Variants in WASHC5 observed in about 807,000 individuals in gnomAD.
The protein encoded by WASHC5 is WASH complex subunit strumpellin.
Under a neutral mutation model 150.4 loss-of-function variants are expected in WASHC5, and 101 were observed. That is an observed-to-expected ratio of 0.67 (90% confidence interval 0.57 to 0.79). WASHC5 has a LOEUF of 0.79. Ranked by LOEUF, WASHC5 falls within the 30% of genes least tolerant of loss-of-function variation. The pLI is 0.00. For missense variants in WASHC5, 1,195 were observed against 1,396.3 expected (o/e 0.86, Z 2.30); for synonymous variants, 467 against 491.2 (o/e 0.95, Z 0.65).
At chr8:125,028,554 C>G in intron 28 of WASHC5, 66 bp downstream of exon 28, 1 of 1,187,974 alleles carries the variant, frequency 8.4e-7, no homozygotes, top group South Asian at 1.2e-5. Context: ...CCTGATGAAT[C>G]CAGGGCCACT....
intron 28 of WASHC5, among the ~76,000 whole-genome samples, chr8:125,027,170 G>T (rs1187283233): frequency 4.6e-5 from 7 of 151,932 alleles, no homozygotes; most frequent in Admixed American, 2.6e-4. Context: ...TTATTCTGTA[G>T]CCAGCTTGTT....
intron 20 of WASHC5, 48 bp downstream of exon 20, chr8:125,047,159 G>A: frequency 6.2e-7 from 1 of 1,611,060 alleles, no homozygotes; most frequent in South Asian, 1.1e-5. Flanking sequence ...AGATGCAGAT[G>A]AGACTGCCTG....
In WASHC5 at chr8:125,075,075, C is replaced by G; in HGVS notation, c.901G>C (p.Val301Leu). 6.2e-7 allele frequency: 1 copy of G among 1,611,490 alleles called. No individual in the cohort carries two copies. The highest frequency in any genetic ancestry group is 8.5e-7 in the Non-Finnish European group (1 of 1,177,800). The change falls in exon 8 of 29, where the codon GTA becomes CTA. Residue 301 changes from valine (V) to leucine (L), a missense_variant. By Grantham distance (32) the Val-to-Leu change is conservative (BLOSUM62 1). This residue lies in a region of WASHC5 where 997 missense variants were observed against 1,168.1 expected (regional missense o/e 0.85). Coordinates refer to ENST00000318410, the MANE Select transcript of WASHC5 (RefSeq NM_014846.4). ...SIYMGITVNL[V>L]DAWEPYKAAK... ...GCTTTGTAAGGTTCCCAAGCATCTA[C>G]TAGATTAACTGTGATCCCCATGTAA...
chr8:125,043,888 A>C lies in WASHC5; in HGVS notation c.2787T>G (p.Ile929Met), dbSNP rs754745588. The change falls in exon 23 of 29, where the codon ATT becomes ATG. Residue 929 changes from isoleucine (I) to methionine (M), a missense_variant. Coordinates refer to ENST00000318410, the MANE Select transcript of WASHC5 (RefSeq NM_014846.4). ...GTGTTTTGGCAATGGCGGAAAAATAAATTTTATTTGAATTTGCTGAAAAGT... is the reference window on the plus strand; with the variant it reads ...GTGTTTTGGCAATGGCGGAAAAATACATTTTATTTGAATTTGCTGAAAAGT... ...LKSIVANSNK[I>M]YFSAIAKTQK... The C allele has an allele frequency of 1.2e-6, 2 of 1,612,816 alleles. No individual in the cohort carries two copies. Among genetic ancestry groups the C allele is most frequent in the Admixed American group, 1.7e-5 (1 of 59,984 alleles).
intron 1 of WASHC5, among the ~76,000 whole-genome samples, chr8:125,086,232 T>C (rs889765378): frequency 2.5e-4 from 38 of 152,170 alleles, no homozygotes; most frequent in Non-Finnish European, 4.1e-4. Flanking sequence ...GGTAGGACTG[T>C]TTTCTTCTCA....
intron 6 of WASHC5, among the ~76,000 whole-genome samples, chr8:125,076,723 C>A (rs1817072836): frequency 7.1e-6 from 1 of 141,316 alleles, no homozygotes; most frequent in East Asian, 2.1e-4. Flanking sequence ...CCCTTGACCG[C>A]TGCAATTCTA....
At chr8:125,037,180 T>C (rs1815735824) in intron 26 of WASHC5, 57 bp downstream of exon 26, 1 of 982,046 alleles carries the variant, frequency 1.0e-6, no homozygotes, top group Non-Finnish European at 1.7e-6. Flanking sequence ...AGCTATTTAG[T>C]TAAATGTTAA....
intron 5 of WASHC5, among the ~76,000 whole-genome samples, 172 bp from the exon 6 acceptor site, chr8:125,079,102 A>G (rs1483782227): frequency 6.8e-5 from 6 of 88,694 alleles, no homozygotes; most frequent in South Asian, 7.3e-4. Context: ...GTGTATATAT[A>G]TGTGTGTGTG....
At chr8:125,042,669 G>A (rs1586344237) in intron 23 of WASHC5, among the ~76,000 whole-genome samples, 1 of 152,134 alleles carries the variant, frequency 6.6e-6, no homozygotes, top group Non-Finnish European at 1.5e-5. Flanking sequence ...ACAGAGTTGG[G>A]ACTCACACCT....
chr8:125,082,429 T>C lies in WASHC5; in HGVS notation c.371A>G (p.Gln124Arg). The C allele has an allele frequency of 6.3e-7, 1 of 1,592,546 alleles. No individual in the cohort carries two copies. The highest frequency in any genetic ancestry group is 8.6e-7 in the Non-Finnish European group (1 of 1,160,730). ...DDLNEGVYIQ[Q>R]TLETVLLNED... Reference sequence around the variant, plus strand: ...ATTGAGAAGCACAGTTTCTAAGGTTTGCTGAATATAAACCCCTTCATTGAG... The same window carrying C: ...ATTGAGAAGCACAGTTTCTAAGGTTCGCTGAATATAAACCCCTTCATTGAG... Residue 124 changes from glutamine to arginine, a missense_variant, in exon 4 of 29, where the codon CAA becomes CGA. By Grantham distance (43) the Gln-to-Arg change is conservative (BLOSUM62 1). Coordinates refer to ENST00000318410, the MANE Select transcript of WASHC5 (RefSeq NM_014846.4).
chr8:125,088,169 T>C (rs1248381615), intron 1 of WASHC5, among the ~76,000 whole-genome samples: 1 of 151,998 alleles, frequency 6.6e-6, no homozygotes, highest in Non-Finnish European at 1.5e-5. Context: ...TAGGGCCAGG[T>C]GTGGTGACTC....
intron 2 of WASHC5, 54 bp from the exon 3 acceptor site, chr8:125,083,312 A>G: frequency 6.6e-7 from 1 of 1,526,362 alleles, no homozygotes; most frequent in South Asian, 1.2e-5. Context: ...TGTTGGTGAC[A>G]ATTTCTAAAT....
rs368930661 is a variant in WASHC5, at chr8:125,044,494, C to T, written c.2667+42G>A. On this transcript the variant is annotated intron_variant, in intron 21 of 28. Coordinates refer to ENST00000318410, the MANE Select transcript of WASHC5 (RefSeq NM_014846.4). ...CACTAAAATATGTTCTTGCCTCTCC[C>T]CCAGGGTGGCAGAAAACAGGCATGA... The T allele has an allele frequency of 3.0e-5, 49 of 1,609,462 alleles. No individual in the cohort carries two copies. In the East Asian group the frequency reaches 9.8e-4, roughly 32 times the overall value.
intron 1 of WASHC5, among the ~76,000 whole-genome samples, chr8:125,086,290 G>A (rs527520215): frequency 1.3e-5 from 2 of 152,122 alleles, no homozygotes; most frequent in African/African-American, 4.8e-5. Context: ...CTGTGTCTTC[G>A]CATGGCCACC....
intron 19 of WASHC5, among the ~76,000 whole-genome samples, chr8:125,047,840 G>A (rs1051895796): frequency 1.6e-4 from 24 of 152,134 alleles, no homozygotes; most frequent in Admixed American, 2.6e-4. Flanking sequence ...GTGAGTCACT[G>A]TGCCTGGCTT....
Position 125,081,778 on chromosome 8 carries a change from A to T in WASHC5, c.418-17T>A, listed in dbSNP as rs1432620413. On this transcript the variant is annotated splice_polypyrimidine_tract_variant and intron_variant, in intron 4 of 28. Transcript: ENST00000318410. ...TGCTTCACACTAAGAAGAGAAGAGGACAAAAGCCAAAATCACTAGATTATA... is the reference window on the plus strand; with the variant it reads ...TGCTTCACACTAAGAAGAGAAGAGGTCAAAAGCCAAAATCACTAGATTATA... The T allele has an allele frequency of 2.1e-6, 3 of 1,448,468 alleles. No homozygotes were observed. The African/African-American group carries it at 4.2e-5, about 20-fold the overall frequency. The allele number at this position is 1,448,468 out of a possible 1,614,324, so 89.7% of individuals were successfully genotyped here.
intron 17 of WASHC5, 80 bp from the exon 18 acceptor site, chr8:125,050,745 G>A (rs1816216433): frequency 2.8e-6 from 3 of 1,081,606 alleles, no homozygotes; most frequent in Admixed American, 1.7e-5. Flanking sequence ...ATGGCTTTCA[G>A]AATCTGCAGT....
chr8:125,071,812 C>T (rs916987909), intron 9 of WASHC5, among the ~76,000 whole-genome samples: 3 of 152,214 alleles, frequency 2.0e-5, no homozygotes, highest in Non-Finnish European at 2.9e-5. Context: ...CCAGAAGTGA[C>T]AAATCTGAGA....
At chr8:125,026,820 TATA>T (rs1815390622) in intron 28 of WASHC5, among the ~76,000 whole-genome samples, 1 of 152,122 alleles carries the variant, frequency 6.6e-6, no homozygotes, top group South Asian at 2.1e-4. Flanking sequence ...TAATACTTGA[TATA>T]ATATTTTAAT....
Sources: allele counts gnomAD v4.1 joint callset (sites outside exome capture counted in the v4.1 genomes callset), GRCh38; gene constraint gnomAD v4.1.1; regional missense constraint gnomAD v4.1.1; transcripts MANE v1.5; gene names NCBI Gene and HGNC (gene_info 2026-07-23, HGNC 2026-07-21).